The following NFIA variants were observed in gnomAD, a reference collection of about 807,000 sequenced individuals.
NFIA encodes nuclear factor 1 A-type.
NFIA carries 8 observed loss-of-function variants against 62.8 expected under a neutral mutation model. The observed-to-expected ratio is 0.13, with a 90% CI of 0.07 to 0.23. NFIA has a LOEUF of 0.23. Among genes scored for constraint, NFIA ranks in the 10% least tolerant of loss-of-function variants. The pLI is 1.00. For synonymous variants in NFIA, 235 were observed against 238.1 expected (o/e 0.99, Z 0.12); for missense variants, 410 against 642.1 (o/e 0.64, Z 3.91).
upstream of NFIA, chr1:61,082,010 G>A (rs747118104): frequency 1.3e-6 from 2 of 1,549,688 alleles, no homozygotes; most frequent in Admixed American, 2.0e-5. Flanking sequence ...CGGGGGGTGC[G>A]GGGCAACCTG....
chr1:61,313,115 A>C (rs1251152160), intron 3 of NFIA, among the ~76,000 whole-genome samples: 1 of 152,216 alleles, frequency 6.6e-6, no homozygotes, highest in Non-Finnish European at 1.5e-5. Flanking sequence ...GAAGTGTGTT[A>C]GCGGTGACAA....
chr1:61,351,083 A>G (rs1340552588), intron 4 of NFIA, among the ~76,000 whole-genome samples: 4 of 152,178 alleles, frequency 2.6e-5, no homozygotes, highest in South Asian at 2.1e-4. Context: ...ACAATATTCA[A>G]TCAGTTACAT....
rs376119125 is a variant in NFIA, at chr1:61,263,465, A to G, written c.560-14055A>G. Among the ~76,000 whole-genome samples the G allele has an allele frequency of 5.4e-4, 82 of 152,348 alleles. 2 individuals carry two copies. In the East Asian group the frequency reaches 0.014, roughly 26 times the overall value. On this transcript the variant is annotated intron_variant, in intron 2 of 10. Coordinates refer to ENST00000403491, the MANE Select transcript of NFIA (RefSeq NM_001134673.4). ...AACTGCTCGCTTGTGTTTTACACAC[A>G]GGCGCCCCAGCCTTCCTATAGGCTC...
upstream of NFIA, chr1:61,082,295 T>A: frequency 3.8e-6 from 1 of 264,424 alleles, no homozygotes; most frequent in South Asian, 1.6e-4. Flanking sequence ...CGAGCCAGCC[T>A]GCGAGCGCGA....
chr1:61,409,007 T>A (rs551857689), intron 9 of NFIA, among the ~76,000 whole-genome samples: 1 of 152,208 alleles, frequency 6.6e-6, no homozygotes, highest in African/African-American at 2.4e-5. Flanking sequence ...ACTCCGTGGA[T>A]TGAACCAAGT....
chr1:61,359,382 A>C, intron 6 of NFIA, 108 bp downstream of exon 6: 1 of 1,495,106 alleles, frequency 6.7e-7, no homozygotes, highest in East Asian at 2.3e-5. Flanking sequence ...AAGGTAGTTC[A>C]CTTTTTCAGG....
At chr1:61,400,522 T>C (rs1378476889) in intron 7 of NFIA, among the ~76,000 whole-genome samples, 1 of 152,232 alleles carries the variant, frequency 6.6e-6, no homozygotes, top group Non-Finnish European at 1.5e-5. Flanking sequence ...ATGGATGCAC[T>C]GCAATAAACT....
chr1:61,187,410 G>A (rs898255124), intron 2 of NFIA, among the ~76,000 whole-genome samples: 3 of 152,184 alleles, frequency 2.0e-5, no homozygotes, highest in Non-Finnish European at 4.4e-5. Context: ...AACTGCCTTA[G>A]TCATTTAAAA....
intron 3 of NFIA, 40 bp downstream of exon 3, chr1:61,277,625 C>T (rs759700620): frequency 2.1e-5 from 33 of 1,601,604 alleles, no homozygotes; most frequent in South Asian, 3.3e-5. Flanking sequence ...CTTTCAGAGT[C>T]CACAGCAGCC....
chr1:61,344,385 C>T (rs148853780), intron 4 of NFIA, among the ~76,000 whole-genome samples: 1 of 152,316 alleles, frequency 6.6e-6, no homozygotes, highest in South Asian at 2.1e-4. Context: ...TTGGACTTTT[C>T]CCCTCCCCCG....
intron 2 of NFIA, chr1:61,249,914 G>A (rs756191393): frequency 6.6e-6 from 1 of 152,204 alleles, no homozygotes; most frequent in Non-Finnish European, 1.5e-5. Context: ...AGCAAACATG[G>A]TATGGGTTGG....
intron 2 of NFIA, among the ~76,000 whole-genome samples, chr1:61,233,083 T>TA (rs1372773061): frequency 6.6e-6 from 1 of 152,182 alleles, no homozygotes; most frequent in Non-Finnish European, 1.5e-5. Context: ...CACTGCTTTT[T>TA]AAAAAAATGT....
At chr1:61,204,856 A>G (rs868628841) in intron 2 of NFIA, among the ~76,000 whole-genome samples, 1 of 151,360 alleles carries the variant, frequency 6.6e-6, no homozygotes, top group Middle Eastern at 3.4e-3. Flanking sequence ...TATTGAAAAC[A>G]TTTAGGTAGA....
At chr1:61,176,720 T>G (rs994750062) in intron 2 of NFIA, among the ~76,000 whole-genome samples, 2 of 152,180 alleles carry the variant, frequency 1.3e-5, no homozygotes, top group Admixed American at 1.3e-4. Context: ...TGGATATTCT[T>G]TAAAAATTTT....
At chr1:61,417,053 G>A (rs574643593) in intron 9 of NFIA, among the ~76,000 whole-genome samples, 22 of 151,916 alleles carry the variant, frequency 1.4e-4, no homozygotes, top group Non-Finnish European at 3.1e-4. Context: ...CAGAACATTG[G>A]ATGATTCCAT....
At chr1:61,157,178 TG>T (rs1239808576) in intron 2 of NFIA, among the ~76,000 whole-genome samples, 1 of 152,250 alleles carries the variant, frequency 6.6e-6, no homozygotes, top group African/African-American at 2.4e-5. Context: ...TTTGGCTTTT[TG>T]TTTTTTTGTT....
At chr1:61,079,480 G>C (rs188127520), upstream of NFIA, among the ~76,000 whole-genome samples, 1 of 152,328 alleles carries the variant, frequency 6.6e-6, no homozygotes, top group African/African-American at 2.4e-5. Context: ...GTAAATGCAA[G>C]GCTGGGCTCT....
At chr1:61,106,917 T>A (rs1646610962) in intron 2 of NFIA, among the ~76,000 whole-genome samples, 3 of 151,434 alleles carry the variant, frequency 2.0e-5, no homozygotes, top group African/African-American at 7.3e-5. Flanking sequence ...TTTTAAGTTT[T>A]ATAAAAAATC....
intron 2 of NFIA, among the ~76,000 whole-genome samples, chr1:61,245,421 G>C (rs975993772): frequency 1.3e-5 from 2 of 151,966 alleles, no homozygotes; most frequent in Non-Finnish European, 2.9e-5. Context: ...CATATATTAT[G>C]GTCGAAGCTT....
Sources: gnomAD v4.1 joint callset for allele counts (sites outside exome capture counted in the v4.1 genomes callset) on GRCh38, gnomAD v4.1.1 for gene constraint, MANE v1.5 for transcripts, NCBI Gene and HGNC (gene_info 2026-07-23, HGNC 2026-07-21) for gene names.